The following MCM8 variants were observed in gnomAD, a reference collection of about 807,000 sequenced individuals.
MCM8 encodes the protein minichromosome maintenance 8 homologous recombination repair factor, also known as DNA helicase MCM8.
Under a neutral mutation model 98.9 loss-of-function variants are expected in MCM8, and 85 were observed. The observed-to-expected ratio is 0.86, with a 90% confidence interval of 0.72 to 1.03. MCM8 has a LOEUF of 1.03. Among genes scored for constraint, MCM8 ranks in the 50% least tolerant of loss-of-function variants. The pLI is 0.00. For missense variants in MCM8, 951 were observed against 997.8 expected (o/e 0.95, Z 0.63); for synonymous variants, 352 against 338.6 (o/e 1.04, Z -0.44).
rs992062347 is a variant in MCM8, at chr20:5,952,319, C to A, written c.149-105C>A. On this transcript the variant is annotated intron_variant, in intron 2 of 18. Transcript: ENST00000610722. ...TTGATGTCCCAGATTTTTACTAAAACCCCTAATTTGGATACTCTATTAATG... is the reference window on the plus strand; with the variant it reads ...TTGATGTCCCAGATTTTTACTAAAAACCCTAATTTGGATACTCTATTAATG... The A allele has an allele frequency of 1.9e-5, 29 of 1,553,306 alleles. 1 individual carries two copies. The African/African-American group carries it at 2.6e-4, about 14-fold the overall frequency.
chr20:5,977,905 G>C lies in MCM8; in HGVS notation c.1425G>C (p.Val475=), dbSNP rs199697582. 2 of 1,614,092 alleles carry C rather than the reference G, an allele frequency of 1.2e-6. No individual in the cohort carries two copies. The highest frequency in any genetic ancestry group is 1.7e-5 in the Admixed American group (1 of 59,994). The change falls in exon 13 of 19, where the codon GTG becomes GTC. Residue 475 remains valine, a synonymous_variant. Transcript: ENST00000610722. The stretch of plus-strand genomic sequence containing the variant: ...CGTGCAATGTTGCCCCACGTGGCGT[G>C]TATGTTTGTGGTAACACCACGACCA... ...QAACNVAPRG[V]YVCGNTTTTS... is the part of the protein sequence containing the mutation.
intron 6 of MCM8, among the ~76,000 whole-genome samples, 167 bp downstream of exon 6, chr20:5,957,396 A>AG (rs1431197021): frequency 1.3e-5 from 2 of 152,358 alleles, no homozygotes; most frequent in East Asian, 3.9e-4. Flanking sequence ...AATTATTCAA[A>AG]GACATCATGA....
intron 8 of MCM8, among the ~76,000 whole-genome samples, chr20:5,964,188 A>AT (rs2089224014): frequency 6.9e-6 from 1 of 144,502 alleles, no homozygotes; most frequent in Admixed American, 7.2e-5. Flanking sequence ...AATTGATTAC[A>AT]TTTTTTCTAG....
intron 12 of MCM8, among the ~76,000 whole-genome samples, chr20:5,974,456 C>G (rs374996865): frequency 3.7e-4 from 56 of 152,312 alleles, no homozygotes; most frequent in African/African-American, 1.3e-3. Flanking sequence ...GCCTGTGGCC[C>G]CCTTCTTCAC....
rs2089008633 is a variant in MCM8, at chr20:5,957,198, A to G, written c.559A>G (p.Thr187Ala). 7 of 1,613,560 alleles carry G rather than the reference A, an allele frequency of 4.3e-6. No homozygotes were observed. The highest frequency in any genetic ancestry group is 2.7e-5 in the African/African-American group (2 of 74,912). Reference sequence around the variant, plus strand: ...GGAAGGATTGTCTAATGATGGAGAAACAATGGTAAATGTGCCACATATTCA... The same window carrying G: ...GGAAGGATTGTCTAATGATGGAGAAGCAATGGTAAATGTGCCACATATTCA... Reference protein sequence around the residue: ...AQEGLSNDGETMVNVPHIHAR... With the variant: ...AQEGLSNDGEAMVNVPHIHAR... The change falls in exon 6 of 19, where the codon ACA (threonine) becomes GCA (alanine). Residue 187 changes from threonine to alanine, a missense_variant. Coordinates refer to ENST00000610722, the MANE Select transcript of MCM8 (RefSeq NM_032485.6).
chr20:5,987,399 T>C (rs552684773), intron 17 of MCM8, 41 bp downstream of exon 17: 7 of 1,526,618 alleles, frequency 4.6e-6, no homozygotes, highest in Non-Finnish European at 5.4e-6. Context: ...GAAATACCAG[T>C]TATCTTCCCA....
At chr20:5,980,171 C>A (rs1445875098) in intron 13 of MCM8, among the ~76,000 whole-genome samples, 1 of 152,148 alleles carries the variant, frequency 6.6e-6, no homozygotes, top group Non-Finnish European at 1.5e-5. Flanking sequence ...TAACTTATAA[C>A]CTCCCCTGCC....
chr20:5,997,949 G>A lies in MCM8; in HGVS notation c.*3558G>A, dbSNP rs1359889461. The A allele has an allele frequency of 6.6e-6, 1 of 152,138 alleles. No homozygotes were observed. The highest frequency in any genetic ancestry group is 1.5e-5 in the Non-Finnish European group (1 of 68,024). The allele number at this position is 152,138 out of a possible 1,614,324, so 9.4% of individuals were successfully genotyped here. A position where few individuals can be genotyped will look rare whatever the true frequency, so the allele number is the denominator to read the frequency against. On this transcript the variant is annotated 3_prime_UTR_variant, in exon 19 of 19. Transcript: ENST00000610722. ...ATCAACTTGATCATTTCATTTTTAG[G>A]ATAGAGATATCAAGGTGAGGGTATA... is the stretch of plus-strand genomic sequence containing the variant.
chr20:5,959,186 T>C (rs1265116084), intron 7 of MCM8, among the ~76,000 whole-genome samples: 1 of 152,068 alleles, frequency 6.6e-6, no homozygotes, highest in Non-Finnish European at 1.5e-5. Context: ...TTTAAAACTA[T>C]AGAAAAGTGC....
chr20:5,952,011 G>A lies in MCM8; in HGVS notation c.-5G>A. 6.2e-7 allele frequency: 1 copy of A among 1,609,014 alleles called. No individual in the cohort carries two copies. ...GACCTTTTTAATATCTATCTTTTAG[G>A]AGAGATGAATGGAGAGTATAGAGGC... On this transcript the variant is annotated splice_region_variant and 5_prime_UTR_variant, in exon 2 of 19. Coordinates refer to ENST00000610722, the MANE Select transcript of MCM8 (RefSeq NM_032485.6).
At chr20:5,956,832 A>G (rs1395253750) in intron 5 of MCM8, among the ~76,000 whole-genome samples, 1 of 151,440 alleles carries the variant, frequency 6.6e-6, no homozygotes, top group Non-Finnish European at 1.5e-5. Context: ...TAGTATCAAG[A>G]GGTGATGGTT....
In MCM8 at chr20:5,952,070, A is replaced by C; in HGVS notation, c.55A>C (p.Lys19Gln). Residue 19 changes from lysine to glutamine, a missense_variant, in exon 2 of 19, where the codon AAA becomes CAA. By Grantham distance (53) the Lys-to-Gln change is moderately conservative. Coordinates refer to ENST00000610722, the MANE Select transcript of MCM8 (RefSeq NM_032485.6). ...TGGACGAGGAAGATTTCAAAGCTGG[A>C]AAAGGGGAAGAGGTGGTGGGAACTT... ...GFGRGRFQSW[K>Q]RGRGGGNFSG... is the part of the protein sequence containing the mutation. 1 of 1,614,110 alleles carries C rather than the reference A, an allele frequency of 6.2e-7. No individual in the cohort carries two copies. The highest frequency in any genetic ancestry group is 8.5e-7 in the Non-Finnish European group (1 of 1,179,992).
intron 11 of MCM8, among the ~76,000 whole-genome samples, chr20:5,972,319 C>T (rs563802583): frequency 4.6e-5 from 7 of 151,724 alleles, no homozygotes; most frequent in South Asian, 4.2e-4. Flanking sequence ...ATCCTCCTGA[C>T]CTCAGCCTCC....
chr20:5,955,640 G>A (rs1481514270), intron 5 of MCM8, among the ~76,000 whole-genome samples: 1 of 152,110 alleles, frequency 6.6e-6, no homozygotes, highest in Non-Finnish European at 1.5e-5. Flanking sequence ...TAGGTTCTGT[G>A]GCATGAAGCA....
intron 12 of MCM8, among the ~76,000 whole-genome samples, chr20:5,976,785 A>G (rs1468037028): frequency 2.0e-5 from 3 of 152,114 alleles, no homozygotes; most frequent in Non-Finnish European, 4.4e-5. Flanking sequence ...AGAAGCTAAA[A>G]TGGAGTCTGT....
chr20:5,963,065 G>A (rs1405698221), intron 7 of MCM8, among the ~76,000 whole-genome samples: 1 of 152,162 alleles, frequency 6.6e-6, no homozygotes, highest in Non-Finnish European at 1.5e-5. Context: ...AAGTGAGAAG[G>A]ATCAATTGGA....
intron 7 of MCM8, among the ~76,000 whole-genome samples, chr20:5,961,808 C>T (rs1218958023): frequency 6.6e-6 from 1 of 152,124 alleles, no homozygotes; most frequent in African/African-American, 2.4e-5. Context: ...GTAGCATTGA[C>T]TCATGTGTGA....
At chr20:5,980,651 C>A (rs1012673285) in intron 13 of MCM8, among the ~76,000 whole-genome samples, 5 of 152,052 alleles carry the variant, frequency 3.3e-5, no homozygotes, top group Non-Finnish European at 4.4e-5. Flanking sequence ...GCAGGCAGAG[C>A]ACTTGAGACC....
intron 17 of MCM8, among the ~76,000 whole-genome samples, chr20:5,988,313 T>A (rs1827184908): frequency 6.6e-6 from 1 of 151,818 alleles, no homozygotes; most frequent in South Asian, 2.1e-4. Flanking sequence ...ATACAAAAAA[T>A]TAGCTGGGCG....
Sources: gnomAD v4.1 joint callset for allele counts (sites outside exome capture counted in the v4.1 genomes callset) on GRCh38, gnomAD v4.1.1 for gene constraint, MANE v1.5 for transcripts, NCBI Gene and HGNC (gene_info 2026-07-23, HGNC 2026-07-21) for gene names.